The following ADAM12 variants were observed in gnomAD, a reference collection of about 807,000 sequenced individuals.
The protein encoded by ADAM12 is ADAM metallopeptidase domain 12.
ADAM12 carries 70 observed loss-of-function variants against 106.4 expected under a neutral mutation model. That is an observed-to-expected ratio of 0.66 (90% CI 0.54 to 0.80). ADAM12 has a LOEUF of 0.80. Ranked by LOEUF, ADAM12 falls within the 30% of genes least tolerant of loss-of-function variation. The pLI, the probability that ADAM12 is intolerant of heterozygous loss-of-function variation, is 0.00. For missense variants in ADAM12, 1,010 were observed against 1,171.9 expected (o/e 0.86, Z 2.02); for synonymous variants, 420 against 433.5 (o/e 0.97, Z 0.39).
rs1954164940 is a variant in ADAM12 at position 126,041,390 on chromosome 10, G to GAGTT, written c.2104+1646_2104+1649dup. ...TATGCAGTAATGGCCACGGGGGATG[G>GAGTT]AGTTAGGCTCTTACATTGTTTTCAC... On this transcript the variant is annotated intron_variant, in intron 18 of 22. Coordinates refer to ENST00000448723, the MANE Select transcript of ADAM12 (RefSeq NM_001288973.2). 5 of 985,772 alleles carry GAGTT rather than the reference G, an allele frequency of 5.1e-6. No individual in the cohort carries two copies. The South Asian group carries it at 1.9e-4, about 37-fold the overall frequency. The allele number at this position is 985,772 out of a possible 1,614,324, so 61.1% of individuals were successfully genotyped here.
chr10:126,242,367 T>A (rs112644092), intron 3 of ADAM12, among the ~76,000 whole-genome samples: 1 of 152,256 alleles, frequency 6.6e-6, no homozygotes, highest in Non-Finnish European at 1.5e-5. Context: ...GGGAATAGAA[T>A]TGTATTTATG....
intron 21 of ADAM12, among the ~76,000 whole-genome samples, chr10:126,022,760 A>G (rs570055043): frequency 6.6e-6 from 1 of 152,358 alleles, no homozygotes; most frequent in East Asian, 1.9e-4. Flanking sequence ...ACATTTCTTT[A>G]AATCTATTTT....
At chr10:126,173,585 T>C (rs1957159960) in intron 3 of ADAM12, among the ~76,000 whole-genome samples, 1 of 152,226 alleles carries the variant, frequency 6.6e-6, no homozygotes, top group African/African-American at 2.4e-5. Flanking sequence ...TGCTGGTATG[T>C]AGGAGGGATT....
intron 1 of ADAM12, among the ~76,000 whole-genome samples, chr10:126,384,153 G>A (rs1344667821): frequency 6.6e-6 from 1 of 152,168 alleles, no homozygotes; most frequent in African/African-American, 2.4e-5. Context: ...ATCGCAGATA[G>A]AAATAAAAGA....
intron 2 of ADAM12, among the ~76,000 whole-genome samples, chr10:126,293,855 C>T (rs371280097): frequency 6.6e-5 from 10 of 152,148 alleles, no homozygotes; most frequent in African/African-American, 2.4e-4. Flanking sequence ...GATGCCCTGG[C>T]CTTTAAAACT....
intron 3 of ADAM12, among the ~76,000 whole-genome samples, chr10:126,266,346 G>C (rs757816866): frequency 9.2e-5 from 14 of 152,172 alleles, no homozygotes; most frequent in South Asian, 2.1e-4. Context: ...GATTGACCTG[G>C]TCTGACCATC....
At chr10:126,243,687 A>G (rs1958575536) in intron 3 of ADAM12, among the ~76,000 whole-genome samples, 3 of 152,190 alleles carry the variant, frequency 2.0e-5, no homozygotes, top group Admixed American at 1.3e-4. Context: ...TTCTGAGTAG[A>G]ATACTAATGA....
chr10:126,159,267 G>A (rs1342632122), intron 3 of ADAM12, among the ~76,000 whole-genome samples: 2 of 123,472 alleles, frequency 1.6e-5, no homozygotes, highest in South Asian at 5.0e-4. Context: ...CCGAGATCAT[G>A]CCACTGCACT....
chr10:126,021,336 C>A (rs1292533111), intron 21 of ADAM12, among the ~76,000 whole-genome samples: 1 of 152,224 alleles, frequency 6.6e-6, no homozygotes, highest in Non-Finnish European at 1.5e-5. Flanking sequence ...GAATTTCTCT[C>A]ACAGTGCCTA....
At chr10:126,259,214 C>T (rs1029571864) in intron 3 of ADAM12, among the ~76,000 whole-genome samples, 1 of 152,030 alleles carries the variant, frequency 6.6e-6, no homozygotes. Flanking sequence ...CAGAGTGCAG[C>T]TTTCACCTGG....
At chr10:126,245,158 T>C (rs1958604210) in intron 3 of ADAM12, among the ~76,000 whole-genome samples, 1 of 152,154 alleles carries the variant, frequency 6.6e-6, no homozygotes, top group Admixed American at 6.5e-5. Flanking sequence ...AGAGTGAGCA[T>C]CACATTGGCA....
Position 126,291,993 on chromosome 10 carries a change from G to A in ADAM12, c.187-13005C>T, listed in dbSNP as rs188668616. ...TGGGGTTCAGCTTTTTTTTTTTCCC[G>A]TTGAAACATTAGAAAAATCAGCCAG... On this transcript the variant is annotated intron_variant, in intron 2 of 22. Transcript: ENST00000448723. Among the ~76,000 whole-genome samples, 424 of 148,966 alleles carry A rather than the reference G, an allele frequency of 2.8e-3. 1 individual carries two copies. The highest frequency in any genetic ancestry group is 5.1e-3 in the Non-Finnish European group (346 of 67,422).
At chr10:126,338,246 ATTTTTTTTT>A (rs200317403) in intron 1 of ADAM12, among the ~76,000 whole-genome samples, 2 of 89,854 alleles carry the variant, frequency 2.2e-5, no homozygotes, top group African/African-American at 4.5e-5. Flanking sequence ...AGTAACTTAC[ATTTTTTTTT>A]TTTTTTTTTT....
intron 2 of ADAM12, among the ~76,000 whole-genome samples, chr10:126,324,709 C>T (rs1854229930): frequency 2.6e-5 from 4 of 152,064 alleles, no homozygotes; most frequent in Admixed American, 2.6e-4. Flanking sequence ...AGATGACAAC[C>T]TTATCTTCTA....
At chr10:126,095,763 G>A (rs999181200) in intron 10 of ADAM12, among the ~76,000 whole-genome samples, 11 of 152,006 alleles carry the variant, frequency 7.2e-5, no homozygotes, top group African/African-American at 2.7e-4. Context: ...CCCTCAAGAA[G>A]CCCTATCAGG....
intron 4 of ADAM12, among the ~76,000 whole-genome samples, chr10:126,153,878 T>G (rs1236861301): frequency 6.6e-6 from 1 of 152,210 alleles, no homozygotes; most frequent in African/African-American, 2.4e-5. Context: ...GTATTAAAAA[T>G]TTGGACACAG....
At chr10:126,155,811 T>C (rs938442720) in intron 3 of ADAM12, among the ~76,000 whole-genome samples, 3 of 152,082 alleles carry the variant, frequency 2.0e-5, no homozygotes, top group African/African-American at 7.2e-5. Context: ...GCTGAAAATA[T>C]TGAAATGTCA....
At chr10:126,386,421 G>A (rs1856661284) in intron 1 of ADAM12, among the ~76,000 whole-genome samples, 1 of 152,112 alleles carries the variant, frequency 6.6e-6, no homozygotes, top group Non-Finnish European at 1.5e-5. Context: ...GGTATGATTT[G>A]GGGCACTGAT....
intron 14 of ADAM12, among the ~76,000 whole-genome samples, chr10:126,050,837 A>G (rs1275863276): frequency 6.6e-6 from 1 of 152,190 alleles, no homozygotes; most frequent in Non-Finnish European, 1.5e-5. Context: ...AATCTCTGCA[A>G]TGAGCCAGCC....
Sources: gnomAD v4.1 joint callset for allele counts (sites outside exome capture counted in the v4.1 genomes callset) on GRCh38, gnomAD v4.1.1 for gene constraint, MANE v1.5 for transcripts, NCBI Gene and HGNC (gene_info 2026-07-23, HGNC 2026-07-21) for gene names.